The following TPTE2 variants were observed in gnomAD, a reference collection of about 807,000 sequenced individuals.
TPTE2 encodes transmembrane phosphoinositide 3-phosphatase and tensin homolog 2, also known as phosphatidylinositol 3,4,5-trisphosphate 3-phosphatase TPTE2.
Under a neutral mutation model 78.6 loss-of-function variants are expected in TPTE2, and 53 were observed. That is an observed-to-expected ratio of 0.67 (90% CI 0.54 to 0.85). The LOEUF (loss-of-function observed/expected upper bound fraction) is 0.85. Among genes scored for constraint, TPTE2 ranks in the 40% least tolerant of loss-of-function variants. The probability of loss-of-function intolerance (pLI) is 0.00; values close to 1 mark genes in which losing one functional copy is unlikely to be tolerated. For synonymous variants in TPTE2, 175 were observed against 206.2 expected (o/e 0.85, Z 1.30); for missense variants, 461 against 623.0 (o/e 0.74, Z 2.77).
chr13:19,433,748 G>A (rs1336530195), intron 15 of TPTE2, among the ~76,000 whole-genome samples: 3 of 152,188 alleles, frequency 2.0e-5, no homozygotes, highest in Non-Finnish European at 4.4e-5. Flanking sequence ...ACTCTGTCCT[G>A]AGGTCTTGCC....
intron 13 of TPTE2, among the ~76,000 whole-genome samples, chr13:19,445,452 G>A (rs1877765333): frequency 6.6e-6 from 1 of 152,162 alleles, no homozygotes; most frequent in African/African-American, 2.4e-5. Flanking sequence ...AGAATTGCAA[G>A]TATTGGGGAA....
the TPTE2 span, among the ~76,000 whole-genome samples, chr13:19,543,381 G>A: frequency 1.4e-5 from 1 of 73,274 alleles, no homozygotes; most frequent in South Asian, 5.8e-4. Context: ...TCTTAAGAGA[G>A]AGAGTTTCAC....
chr13:19,517,918 A>C (rs1309387664), intron 1 of TPTE2, among the ~76,000 whole-genome samples: 1 of 152,208 alleles, frequency 6.6e-6, no homozygotes, highest in Non-Finnish European at 1.5e-5. Context: ...AGCAGAGATT[A>C]TCTCTCCAGT....
At chr13:19,475,435 A>G (rs1243567693) in intron 5 of TPTE2, 138 bp downstream of exon 8, 21 of 720,796 alleles carry the variant, frequency 2.9e-5, no homozygotes, top group Non-Finnish European at 4.2e-5. Flanking sequence ...CATGTTAGCC[A>G]GGCTGGTCTT....
At chr13:19,501,510 T>C (rs1472739199) in intron 1 of TPTE2, among the ~76,000 whole-genome samples, 1 of 142,758 alleles carries the variant, frequency 7.0e-6, no homozygotes, top group African/African-American at 2.6e-5. Context: ...TATCTACAAC[T>C]ATCTGATCTT....
At chr13:19,434,663 C>T (rs1470512003) in intron 15 of TPTE2, among the ~76,000 whole-genome samples, 6 of 152,028 alleles carry the variant, frequency 3.9e-5, no homozygotes. Context: ...TTCTTCTGGC[C>T]CAAACTAAAG....
At chr13:19,524,699 C>T (rs548210196) in intron 1 of TPTE2, among the ~76,000 whole-genome samples, 1 of 152,104 alleles carries the variant, frequency 6.6e-6, no homozygotes, top group Non-Finnish European at 1.5e-5. Context: ...TTAAAAGTGG[C>T]CCTTGGTCCA....
At chr13:19,560,732 C>A in the TPTE2 span, 2 of 1,473,848 alleles carry the variant, frequency 1.4e-6, no homozygotes, top group Non-Finnish European at 1.9e-6. Flanking sequence ...GGGCCTCCAG[C>A]GACTGCCAGG....
intron 1 of TPTE2, 105 bp downstream of exon 4, chr13:19,503,119 G>T: frequency 6.7e-7 from 1 of 1,493,478 alleles, no homozygotes; most frequent in Non-Finnish European, 9.2e-7. Flanking sequence ...ATGGATGGAT[G>T]CATGGATGCA....
At position 19,491,182 on chromosome 13, in the gene TPTE2, A is replaced by G. The variant is rs542570983; in HGVS notation, c.119+1668T>C. Among the ~76,000 whole-genome samples, 4 of 152,290 alleles carry G rather than the reference A, an allele frequency of 2.6e-5. No individual in the cohort carries two copies. The South Asian group carries it at 8.3e-4, about 32-fold the overall frequency. ...TGTGTGTCTATGTGTGTATTTACATATATATGTTTACATCTAGCTTTTTAT... is the reference window on the plus strand; with the variant it reads ...TGTGTGTCTATGTGTGTATTTACATGTATATGTTTACATCTAGCTTTTTAT... On this transcript the variant is annotated intron_variant, in intron 3 of 19. Transcript: ENST00000400230.
At chr13:19,465,114 A>T (rs1403886500) in intron 9 of TPTE2, 141 bp downstream of exon 12, 2 of 1,133,548 alleles carry the variant, frequency 1.8e-6, no homozygotes, top group Non-Finnish European at 2.6e-6. Context: ...CTAAACCACA[A>T]ATATGTCACA....
At chr13:19,544,682 G>A in the TPTE2 span, among the ~76,000 whole-genome samples, 6 of 152,152 alleles carry the variant, frequency 3.9e-5, no homozygotes, top group Non-Finnish European at 8.8e-5. Flanking sequence ...GACTGCTTGA[G>A]CCCAGCAGTT....
intron 1 of TPTE2, among the ~76,000 whole-genome samples, chr13:19,530,571 G>T (rs1367731155): frequency 6.6e-6 from 1 of 152,046 alleles, no homozygotes. Flanking sequence ...TTGAGGCAGG[G>T]TCTCACTCTG....
chr13:19,428,363 G>T (rs183510982), intron 17 of TPTE2, among the ~76,000 whole-genome samples: 1 of 152,050 alleles, frequency 6.6e-6, no homozygotes, highest in African/African-American at 2.4e-5. Context: ...CAGGAGAATC[G>T]CTTGAACCCA....
intron 15 of TPTE2, among the ~76,000 whole-genome samples, chr13:19,432,985 C>G (rs1436234772): frequency 6.6e-6 from 1 of 152,166 alleles, no homozygotes; most frequent in East Asian, 1.9e-4. Flanking sequence ...AGTGAAAACT[C>G]CAGAGGAATA....
chr13:19,551,697 T>A, the TPTE2 span, among the ~76,000 whole-genome samples: 1 of 152,126 alleles, frequency 6.6e-6, no homozygotes, highest in East Asian at 1.9e-4. Flanking sequence ...ATTATATTAT[T>A]TACATATAAG....
chr13:19,495,837 T>G (rs1881278348), intron 1 of TPTE2, among the ~76,000 whole-genome samples: 2 of 151,986 alleles, frequency 1.3e-5, no homozygotes, highest in Admixed American at 1.3e-4. Context: ...TCCAATTGCT[T>G]TTGTTTTGTT....
chr13:19,529,135 T>A (rs549647118), intron 1 of TPTE2, among the ~76,000 whole-genome samples: 62 of 152,176 alleles, frequency 4.1e-4, no homozygotes, highest in African/African-American at 1.3e-3. Context: ...AAATAAATAA[T>A]TAATTAATTA....
intron 1 of TPTE2, among the ~76,000 whole-genome samples, chr13:19,496,497 T>C (rs1205070860): frequency 1.3e-5 from 2 of 152,220 alleles, no homozygotes; most frequent in Non-Finnish European, 1.5e-5. Context: ...TAGTCTTTCC[T>C]GTCCATGGGA....
Sources: gnomAD v4.1 joint callset for allele counts (sites outside exome capture counted in the v4.1 genomes callset) on GRCh38, gnomAD v4.1.1 for gene constraint, MANE v1.5 for transcripts, NCBI Gene and HGNC (gene_info 2026-07-23, HGNC 2026-07-21) for gene names.